The following PARP14 variants were observed in gnomAD, a reference collection of about 807,000 sequenced individuals.
The protein encoded by PARP14 is poly(ADP-ribose) polymerase family member 14.
A neutral mutation model predicts 154.2 loss-of-function variants in PARP14; 59 were observed. The ratio of observed to expected loss-of-function variants is 0.38; its 90% confidence interval spans 0.31 to 0.48. The LOEUF (loss-of-function observed/expected upper bound fraction) is 0.48. Ranked by LOEUF, PARP14 falls within the 20% of genes least tolerant of loss-of-function variation. The pLI is 0.98. For synonymous variants in PARP14, 720 were observed against 780.5 expected, an observed-to-expected ratio of 0.92 and a Z score of 1.29; for missense variants, 1,734 against 2,131.6, an observed-to-expected ratio of 0.81 and a Z score of 3.67.
In PARP14 at chr3:122,695,533, C is replaced by T. The variant is rs1198684534; in HGVS notation, c.706C>T (p.Pro236Ser). The stretch of plus-strand genomic sequence containing the variant: ...AAACACAATCAGGGTTGAAAACCTG[C>T]CACCTGGTGCTGATGACTACAGTTT... ...VTNTIRVENLPPGADDYSLKL... is the reference protein window; with the variant it reads ...VTNTIRVENLSPGADDYSLKL... The change falls in exon 5 of 17, where the codon CCA (proline) becomes TCA (serine). Residue 236 changes from proline to serine, a missense_variant. Physicochemically the swap from Pro to Ser is moderately conservative, Grantham distance 74. Transcript: ENST00000474629. 1.2e-6 allele frequency: 2 copies of T among 1,607,222 alleles called. No homozygotes were observed. The highest frequency in any genetic ancestry group is 1.7e-6 in the Non-Finnish European group (2 of 1,174,526).
At chr3:122,692,659 A>T in intron 4 of PARP14, 116 bp downstream of exon 4, 1 of 785,192 alleles carries the variant, frequency 1.3e-6, no homozygotes, top group Non-Finnish European at 1.9e-6. Flanking sequence ...CTACTAAGAG[A>T]GGTTTCCAAG....
intron 8 of PARP14, among the ~76,000 whole-genome samples, chr3:122,707,754 C>T (rs190198339): frequency 2.0e-5 from 3 of 152,208 alleles, no homozygotes; most frequent in Admixed American, 1.3e-4. Context: ...ACTGTGATCA[C>T]GCCTCTAGCA....
rs369759529 is a variant in PARP14, at chr3:122,701,227, G to A, written c.2673G>A (p.Pro891=). The A allele has an allele frequency of 1.7e-5, 27 of 1,613,416 alleles. No individual in the cohort carries two copies. Among genetic ancestry groups the A allele is most frequent in the Middle Eastern group, 1.6e-4 (1 of 6,082 alleles). ...CCCGCTGGAGCGGATATGAGGCCCC[G>A]AGGTGTGTGTACCTATTAAGGAGAG... is the stretch of plus-strand genomic sequence containing the variant. ...VGPRWSGYEA[P]RCVYLLRRAV... Residue 891 remains proline, a synonymous_variant, in exon 6 of 17, where the codon CCG becomes CCA. Transcript: ENST00000474629. This position sits in a 1 kb window ranked among gnomAD's most constrained non-coding sequence, Gnocchi z 4.0.
chr3:122,730,018 A>G lies in PARP14; in HGVS notation c.*1421A>G, dbSNP rs541446694. The G allele has an allele frequency of 6.6e-6, 1 of 152,324 alleles. No homozygotes were observed. The highest frequency in any genetic ancestry group is 1.5e-5 in the Non-Finnish European group (1 of 68,022). 9.4% of individuals were successfully genotyped at this position (152,324 alleles called of 1,614,324 possible). A position where few individuals can be genotyped will look rare whatever the true frequency, so the allele number is the denominator to read the frequency against. On this transcript the variant is annotated 3_prime_UTR_variant, in exon 17 of 17. Transcript: ENST00000474629. The stretch of plus-strand genomic sequence containing the variant: ...TTTAAGATTCAAACACCATCTATTG[A>G]GCACCTACATTGTGTGCCAGGTAGT...
At chr3:122,713,191 T>C (rs962180258) in intron 9 of PARP14, among the ~76,000 whole-genome samples, 1 of 152,240 alleles carries the variant, frequency 6.6e-6, no homozygotes, top group Non-Finnish European at 1.5e-5. Context: ...TATAGTACGC[T>C]AACTTCACCT....
chr3:122,716,084 G>A (rs576892391), intron 12 of PARP14, among the ~76,000 whole-genome samples: 2 of 152,130 alleles, frequency 1.3e-5, no homozygotes, highest in African/African-American at 4.8e-5. Context: ...AGATGTAGAA[G>A]CTTTCTCTTT....
intron 3 of PARP14, among the ~76,000 whole-genome samples, chr3:122,689,529 G>A (rs1029632052): frequency 2.0e-5 from 3 of 152,080 alleles, no homozygotes; most frequent in African/African-American, 7.2e-5. Flanking sequence ...GGCTGGTCTT[G>A]AACTCCTGGC....
chr3:122,720,339 C>A lies in PARP14; in HGVS notation c.4892C>A (p.Thr1631Lys), dbSNP rs746674469. ...CTGCCTAGTGATCCTGAGTACAACA[C>A]GGTGGCAAGCAAGTTTAATCAGACC... ...ELLPSDPEYN[T>K]VASKFNQTCS... Residue 1631 changes from threonine to lysine, a missense_variant, in exon 15 of 17, where the codon ACG (threonine) becomes AAG (lysine). Thr to Lys is a moderately conservative substitution (Grantham distance 78). Around this residue, in one of 2 missense-constraint regions of PARP14, gnomAD observed 1,646 missense variants for 1,976.0 expected, o/e 0.83. Coordinates refer to ENST00000474629, the MANE Select transcript of PARP14 (RefSeq NM_017554.3). The A allele has an allele frequency of 6.2e-7, 1 of 1,612,810 alleles. No homozygotes were observed. Among genetic ancestry groups the A allele is most frequent in the South Asian group, 1.1e-5 (1 of 90,764 alleles).
At chr3:122,683,230 T>G (rs1576577472) in intron 1 of PARP14, 1 of 888,674 alleles carries the variant, frequency 1.1e-6, no homozygotes, top group African/African-American at 1.8e-5. Flanking sequence ...TGACCTACGC[T>G]TGAAGTCCCA....
intron 8 of PARP14, among the ~76,000 whole-genome samples, chr3:122,706,463 A>C (rs1465234566): frequency 6.6e-6 from 1 of 152,242 alleles, no homozygotes; most frequent in Non-Finnish European, 1.5e-5. Flanking sequence ...GCTAACATTT[A>C]AAAATCAAAA....
intron 14 of PARP14, among the ~76,000 whole-genome samples, chr3:122,719,440 C>G (rs1424135272): frequency 6.6e-6 from 1 of 152,202 alleles, no homozygotes; most frequent in African/African-American, 2.4e-5. Context: ...TCCCAGTAGT[C>G]ACCTCTGCCA....
chr3:122,726,169 C>T (rs1933282290), intron 15 of PARP14, among the ~76,000 whole-genome samples: 1 of 152,196 alleles, frequency 6.6e-6, no homozygotes, highest in African/African-American at 2.4e-5. Flanking sequence ...TATGTACCAA[C>T]ATATTTACCA....
intron 6 of PARP14, 108 bp from the exon 7 acceptor site, chr3:122,703,634 T>A (rs1161613359): frequency 1.6e-6 from 1 of 625,374 alleles, no homozygotes; most frequent in African/African-American, 1.8e-5. Flanking sequence ...GAAACCGTAG[T>A]CATCTTAGTT....
chr3:122,696,922 G>A (rs921592626), intron 5 of PARP14, among the ~76,000 whole-genome samples: 3 of 151,900 alleles, frequency 2.0e-5, no homozygotes, highest in Non-Finnish European at 4.4e-5. Flanking sequence ...TTTCTTTTAT[G>A]TTCTCTAGCT....
rs777743022 is a variant in PARP14 at position 122,699,637 on chromosome 3, T to A, written c.1083T>A (p.Ser361Arg). The A allele has an allele frequency of 6.2e-7, 1 of 1,614,034 alleles. No individual in the cohort carries two copies. Among genetic ancestry groups the A allele is most frequent in the Admixed American group, 1.7e-5 (1 of 60,022 alleles). The change falls in exon 6 of 17, where the codon AGT becomes AGA. Residue 361 changes from serine (S) to arginine (R), a missense_variant. Physicochemically the swap from Ser to Arg is moderately radical, Grantham distance 110. This residue lies in a region of PARP14 where 1,646 missense variants were observed against 1,976.0 expected (regional missense o/e 0.83). Coordinates refer to ENST00000474629, the MANE Select transcript of PARP14 (RefSeq NM_017554.3). Reference sequence around the variant, plus strand: ...GTGAGCTCACGTGGTCCCAACTCAGTGGTAAAGTTACCATCAGACCAGCAG... The same window carrying A: ...GTGAGCTCACGTGGTCCCAACTCAGAGGTAAAGTTACCATCAGACCAGCAG... The part of the protein sequence containing the change: ...CHCELTWSQL[S>R]GKVTIRPAAT...
Position 122,701,701 on chromosome 3 carries a change from T to C in PARP14, c.3081+66T>C, listed in dbSNP as rs1938985366. 8.6e-7 allele frequency: 1 copy of C among 1,163,854 alleles called. No individual in the cohort carries two copies. The highest frequency in any genetic ancestry group is 1.6e-5 in the African/African-American group (1 of 64,348). 72.1% of individuals were successfully genotyped at this position (1,163,854 alleles called of 1,614,324 possible). A position where few individuals can be genotyped will look rare whatever the true frequency, so the allele number is the denominator to read the frequency against. On this transcript the variant is annotated intron_variant, in intron 6 of 16. Coordinates refer to ENST00000474629, the MANE Select transcript of PARP14 (RefSeq NM_017554.3). The surrounding 1 kb of genome is among the most constrained non-coding windows in gnomAD (Gnocchi z 4.0). ...CTTTACTTAGTCAGTGGCTCTCTCA[T>C]GGAGGGCTGAAGAAAGATAAGGACC...
intron 5 of PARP14, among the ~76,000 whole-genome samples, 162 bp downstream of exon 5, chr3:122,695,824 G>A (rs1431094675): frequency 2.0e-5 from 3 of 152,162 alleles, no homozygotes; most frequent in African/African-American, 7.2e-5. Flanking sequence ...GCTTAATAAG[G>A]CCAGTGATTC....
Position 122,700,215 on chromosome 3 carries a change from T to C in PARP14, c.1661T>C (p.Phe554Ser), listed in dbSNP as rs547547672. Reference sequence around the variant, plus strand: ...TTGCAACAGGTAAACTGGAAAGAATTCTCTAAGTGTCTTTTCATAGCACAG... The same window carrying C: ...TTGCAACAGGTAAACTGGAAAGAATCCTCTAAGTGTCTTTTCATAGCACAG... ...QFLQQVNWKE[F>S]SKCLFIAQKI... Residue 554 changes from phenylalanine (F) to serine (S), a missense_variant, in exon 6 of 17, where the codon TTC becomes TCC. Around this residue, in one of 2 missense-constraint regions of PARP14, gnomAD observed 1,646 missense variants for 1,976.0 expected, o/e 0.83. Coordinates refer to ENST00000474629, the MANE Select transcript of PARP14 (RefSeq NM_017554.3). The C allele has an allele frequency of 6.2e-7, 1 of 1,611,658 alleles. No individual in the cohort carries two copies. Among genetic ancestry groups the C allele is most frequent in the African/African-American group, 1.3e-5 (1 of 75,040 alleles).
In PARP14 at chr3:122,720,494, C is replaced by G. The variant is rs1476076399; in HGVS notation, c.4941+106C>G. Reference sequence around the variant, plus strand: ...ACTTCCTATCACATTTTTTTAAACCCAGAATTAGAATTTGTATGGTAATTA... The same window carrying G: ...ACTTCCTATCACATTTTTTTAAACCGAGAATTAGAATTTGTATGGTAATTA... On this transcript the variant is annotated intron_variant, in intron 15 of 16. Coordinates refer to ENST00000474629, the MANE Select transcript of PARP14 (RefSeq NM_017554.3). The G allele has an allele frequency of 2.2e-5, 23 of 1,060,050 alleles. No homozygotes were observed. The Admixed American group carries it at 4.2e-4, about 19-fold the overall frequency. The allele number at this position is 1,060,050 out of a possible 1,614,324, so 65.7% of individuals were successfully genotyped here. A position where few individuals can be genotyped will look rare whatever the true frequency, so the allele number is the denominator to read the frequency against.
Sources: allele counts gnomAD v4.1 joint callset (sites outside exome capture counted in the v4.1 genomes callset), GRCh38; gene constraint gnomAD v4.1.1; regional missense constraint gnomAD v4.1.1; non-coding constraint Gnocchi (gnomAD v3.1); transcripts MANE v1.5; gene names NCBI Gene and HGNC (gene_info 2026-07-23, HGNC 2026-07-21).